Variants in PROX2 observed in about 807,000 individuals in gnomAD.
PROX2 encodes the protein prospero homeobox 2, also known as prospero homeobox protein 2.
PROX2 carries 46 observed loss-of-function variants against 48.9 expected under a neutral mutation model. The ratio of observed to expected loss-of-function variants is 0.94; its 90% CI spans 0.74 to 1.20. The LOEUF is 1.20. Among genes scored for constraint, PROX2 ranks in the 50% most tolerant of loss-of-function variants. The pLI is 0.00. For missense variants in PROX2, 663 were observed against 719.4 expected (o/e 0.92, Z 0.90); for synonymous variants, 260 against 276.6 (o/e 0.94, Z 0.60).
intron 3 of PROX2, chr14:74,859,258 C>T (rs1388398765): frequency 6.6e-6 from 1 of 152,204 alleles, no homozygotes; most frequent in Non-Finnish European, 1.5e-5. Context: ...TTACCCTGGG[C>T]TATGAAGACT....
chr14:74,874,251 GTTTTT>G (rs35863744), intron 1 of PROX2: 162 of 279,968 alleles, frequency 5.8e-4, no homozygotes, highest in South Asian at 1.2e-3. Context: ...CATCATACAA[GTTTTT>G]TTTTTTTTTT....
chr14:74,855,237 T>C lies in PROX2; in HGVS notation c.1674A>G (p.Ala558=). ...TLQEFFRAVS[A]GRDSDPSWKK... is the part of the protein sequence containing the mutation. ...TCCAGGAAGGATCTGAGTCTCTCCC[T>C]GCGGAGACAGCCCTGAAGAACTCCT... Residue 558 remains alanine (A), a synonymous_variant, in exon 6 of 6, where the codon GCA becomes GCG. Coordinates refer to ENST00000556489, the MANE Select transcript of PROX2 (RefSeq NM_001243007.2). 2 of 1,593,624 alleles carry C rather than the reference T, an allele frequency of 1.3e-6. No individual in the cohort carries two copies. Among genetic ancestry groups the C allele is most frequent in the Non-Finnish European group, 8.6e-7 (1 of 1,166,380 alleles).
At chr14:74,858,234 A>G (rs2091762149) in intron 4 of PROX2, 173 bp downstream of exon 4, 1 of 511,980 alleles carries the variant, frequency 2.0e-6, no homozygotes, top group Non-Finnish European at 3.5e-6. Context: ...GCCTAAAGTT[A>G]TTCACGGTTA....
At chr14:74,870,263 C>CA (rs11388832) in intron 2 of PROX2, among the ~76,000 whole-genome samples, 49,622 of 146,628 alleles carry the variant, frequency 0.34, 8,498 homozygotes, top group African/African-American at 0.41. Context: ...CCTGTTTCTC[C>CA]AAAAAAAAAA....
rs774572009 is a variant in PROX2, at chr14:74,863,482, G to A, written c.353C>T (p.Ala118Val). ...LPTPQGLLMPAPAWDQGNRKG... is the reference protein window; with the variant it reads ...LPTPQGLLMPVPAWDQGNRKG... ...CCTGTTGCCCTGGTCCCAGGCAGGG[G>A]CTGGCATCAGGAGGCCTTGCGGTGT... Residue 118 changes from alanine (A) to valine (V), a missense_variant, in exon 3 of 6, where the codon GCC becomes GTC. Transcript: ENST00000556489. 6.2e-7 allele frequency: 1 copy of A among 1,613,728 alleles called. No individual in the cohort carries two copies. Among genetic ancestry groups the A allele is most frequent in the Non-Finnish European group, 8.5e-7 (1 of 1,179,750 alleles).
chr14:74,869,777 C>T (rs1251366999), intron 2 of PROX2, among the ~76,000 whole-genome samples: 2 of 152,060 alleles, frequency 1.3e-5, no homozygotes, highest in Non-Finnish European at 2.9e-5. Flanking sequence ...GACAATGTTA[C>T]CTCATTATGT....
chr14:74,857,210 A>C (rs959888557), intron 4 of PROX2: 4 of 469,308 alleles, frequency 8.5e-6, no homozygotes, highest in African/African-American at 5.8e-5. Flanking sequence ...CCATTAGAAC[A>C]TAACTTTTTT....
rs1213710614 is a variant in PROX2, at chr14:74,863,339, A to G, written c.496T>C (p.Cys166Arg). The G allele has an allele frequency of 6.2e-7, 1 of 1,614,018 alleles. No individual in the cohort carries two copies. The highest frequency in any genetic ancestry group is 8.5e-7 in the Non-Finnish European group (1 of 1,179,882). Reference sequence around the variant, plus strand: ...CTCAGAGGGCCTTTCCCCGTGCCACAGCCTCCTGGCCCCTGAGCTGTGTCC... The same window carrying G: ...CTCAGAGGGCCTTTCCCCGTGCCACGGCCTCCTGGCCCCTGAGCTGTGTCC... ...PRDTAQGPGG[C>R]GTGKGPLSAK... Residue 166 changes from cysteine (C) to arginine (R), a missense_variant, in exon 3 of 6, where the codon TGT becomes CGT. Coordinates refer to ENST00000556489, the MANE Select transcript of PROX2 (RefSeq NM_001243007.2).
In PROX2 at chr14:74,856,815, C is replaced by T. The variant is rs2091746343; in HGVS notation, c.1594G>A (p.Gly532Arg). 1.2e-6 allele frequency: 2 copies of T among 1,613,724 alleles called. No homozygotes were observed. The highest frequency in any genetic ancestry group is 4.5e-5 in the East Asian group (2 of 44,894). Residue 532 changes from glycine (G) to arginine (R), a missense_variant, in exon 5 of 6, where the codon GGA (glycine) becomes AGA (arginine). Gly to Arg is a moderately radical substitution (Grantham distance 125). Coordinates refer to ENST00000556489, the MANE Select transcript of PROX2 (RefSeq NM_001243007.2). Reference protein sequence around the residue: ...FQALNMHYNKGNDFEVPDCFL... With the variant: ...FQALNMHYNKRNDFEVPDCFL... Reference sequence around the variant, plus strand: ...CATGGTCTTACCTCAAAGTCATTTCCCTTGTTGTAGTGCATATTGAGAGCT... The same window carrying T: ...CATGGTCTTACCTCAAAGTCATTTCTCTTGTTGTAGTGCATATTGAGAGCT...
chr14:74,864,448 A>T (rs1259475953), intron 2 of PROX2, among the ~76,000 whole-genome samples: 1 of 152,240 alleles, frequency 6.6e-6, no homozygotes, highest in East Asian at 1.9e-4. Flanking sequence ...ATGGTCATGC[A>T]GCTCGTAAGT....
At chr14:74,866,030 G>A (rs376161753) in intron 2 of PROX2, among the ~76,000 whole-genome samples, 2 of 152,312 alleles carry the variant, frequency 1.3e-5, no homozygotes, top group East Asian at 3.9e-4. Flanking sequence ...GCAGAGGCGG[G>A]TGGATCACGA....
intron 4 of PROX2, chr14:74,857,329 A>T (rs2091752022): frequency 4.9e-6 from 1 of 203,480 alleles, no homozygotes; most frequent in South Asian, 1.3e-4. Context: ...TGCTGCACCC[A>T]GGTGGACTGC....
At chr14:74,864,218 G>A (rs1333295816) in intron 2 of PROX2, among the ~76,000 whole-genome samples, 4 of 152,134 alleles carry the variant, frequency 2.6e-5, no homozygotes, top group South Asian at 2.1e-4. Flanking sequence ...GACTCCGAGA[G>A]TGATCTTACA....
At position 74,868,426 on chromosome 14, in the gene PROX2, A is replaced by G. The variant is rs543771410; in HGVS notation, c.-175+2677T>C. ...ATTTTTAAATCTTTCATGTGGATGA[A>G]TATCAATCTACAGCAACGTTGTGAA... On this transcript the variant is annotated intron_variant, in intron 2 of 5. Coordinates refer to ENST00000556489, the MANE Select transcript of PROX2 (RefSeq NM_001243007.2). Among the ~76,000 whole-genome samples, 6 of 149,010 alleles carry G rather than the reference A, an allele frequency of 4.0e-5. No homozygotes were observed. The South Asian group carries it at 1.3e-3, about 32-fold the overall frequency.
chr14:74,863,978 G>A lies in PROX2; in HGVS notation c.-144C>T, dbSNP rs1045173857. ...TGAGGAAGGATTCAGATTCTGGGAT[G>A]CCAGGGCTCATGAACCTCCTGGGCA... On this transcript the variant is annotated 5_prime_UTR_variant, in exon 3 of 6. Transcript: ENST00000556489. 20 of 1,097,032 alleles carry A rather than the reference G, an allele frequency of 1.8e-5. No individual in the cohort carries two copies. In the Admixed American group the frequency reaches 3.3e-4, roughly 18 times the overall value. The allele number at this position is 1,097,032 out of a possible 1,614,324, so 68.0% of individuals were successfully genotyped here. A position where few individuals can be genotyped will look rare whatever the true frequency, so the allele number is the denominator to read the frequency against.
chr14:74,856,294 C>G (rs2091742356), intron 5 of PROX2: 3 of 154,504 alleles, frequency 1.9e-5, no homozygotes, highest in African/African-American at 7.2e-5. Flanking sequence ...CCCCGAGGGA[C>G]TGAGCTTGAG....
chr14:74,875,140 A>G (rs1257121639), intron 1 of PROX2, among the ~76,000 whole-genome samples: 3 of 152,166 alleles, frequency 2.0e-5, no homozygotes, highest in Non-Finnish European at 2.9e-5. Flanking sequence ...GCAAGACTCC[A>G]TCTCAAAAAA....
intron 1 of PROX2, chr14:74,873,926 C>T (rs1374007929): frequency 4.2e-6 from 2 of 470,808 alleles, no homozygotes; most frequent in African/African-American, 4.0e-5. Context: ...TTGGATTTGA[C>T]AGAGATGAAG....
chr14:74,864,265 A>AAATAATAATAAT (rs377565208), intron 2 of PROX2, among the ~76,000 whole-genome samples: 3 of 151,572 alleles, frequency 2.0e-5, no homozygotes, highest in African/African-American at 7.3e-5. Flanking sequence ...CATAACAATA[A>AAATAATAATAAT]AATAATAATA....
Sources: gnomAD v4.1 joint callset for allele counts (sites outside exome capture counted in the v4.1 genomes callset) on GRCh38, gnomAD v4.1.1 for gene constraint, MANE v1.5 for transcripts, NCBI Gene and HGNC (gene_info 2026-07-23, HGNC 2026-07-21) for gene names.